Variants in PTPRD observed in about 807,000 individuals in gnomAD.
PTPRD encodes receptor-type tyrosine-protein phosphatase delta.
A neutral mutation model predicts 214.5 loss-of-function variants in PTPRD; 34 were observed. That is an observed-to-expected ratio of 0.16 (90% CI 0.12 to 0.21). PTPRD has a LOEUF of 0.21. PTPRD is among the 10% of genes least tolerant of loss of function. The pLI is 1.00. For synonymous variants in PTPRD, 1,128 were observed against 845.7 expected, an observed-to-expected ratio of 1.33 and a Z score of -5.79; for missense variants, 2,545 against 2,398.7, an observed-to-expected ratio of 1.06 and a Z score of -1.27.
intron 4 of PTPRD, among the ~76,000 whole-genome samples, chr9:9,967,465 G>A (rs532971210): frequency 7.9e-5 from 12 of 152,228 alleles, no homozygotes; most frequent in African/African-American, 2.9e-4. Flanking sequence ...GGTTGAGAGA[G>A]GGAAGGAAGA....
chr9:8,504,531 G>C, intron 22 of PTPRD, 126 bp from the exon 23 acceptor site: 1 of 1,091,392 alleles, frequency 9.2e-7, no homozygotes, highest in Non-Finnish European at 1.3e-6. Flanking sequence ...CACCAAAAGA[G>C]TCAATAGTGA....
chr9:10,509,097 A>G (rs1314754116), intron 2 of PTPRD, among the ~76,000 whole-genome samples: 1 of 152,016 alleles, frequency 6.6e-6, no homozygotes, highest in Non-Finnish European at 1.5e-5. Flanking sequence ...ATTATAAAAT[A>G]TTTAGGGGGA....
At chr9:9,503,087 G>C (rs536212891) in intron 8 of PTPRD, among the ~76,000 whole-genome samples, 12 of 151,862 alleles carry the variant, frequency 7.9e-5, no homozygotes, top group Admixed American at 7.9e-4. Context: ...GATTAAAATA[G>C]ACAAGCAAAT....
rs1312731960 is a variant in PTPRD, at chr9:8,600,324, G to A, written c.352+32993C>T. On this transcript the variant is annotated intron_variant, in intron 14 of 45. Transcript: ENST00000381196. ...CTGAGGCCGTATGTGAACTCCAGGG[G>A]CAGTCTAGGCCACAAATACTGAAAT... Among the ~76,000 whole-genome samples the A allele has an allele frequency of 2.6e-5, 4 of 152,156 alleles. 1 individual carries two copies. The South Asian group carries it at 8.3e-4, about 32-fold the overall frequency.
intron 10 of PTPRD, among the ~76,000 whole-genome samples, chr9:9,120,639 G>A (rs1343884724): frequency 1.3e-5 from 2 of 152,186 alleles, no homozygotes; most frequent in Non-Finnish European, 2.9e-5. Context: ...ATCATCTGGA[G>A]AGGAGGGTAA....
chr9:9,937,126 G>T (rs1166391423), intron 5 of PTPRD, among the ~76,000 whole-genome samples: 1 of 152,046 alleles, frequency 6.6e-6, no homozygotes, highest in Non-Finnish European at 1.5e-5. Context: ...CCTAATGCTA[G>T]ATGATGAGTT....
intron 14 of PTPRD, among the ~76,000 whole-genome samples, chr9:8,566,100 ATGTGTGTG>A (rs139478736): frequency 0.17 from 23,236 of 137,852 alleles, 2,161 homozygotes; most frequent in South Asian, 0.29. Flanking sequence ...AATGCAAAAT[ATGTGTGTG>A]TGTGTGTGTG....
At chr9:9,537,346 C>T (rs1217396108) in intron 8 of PTPRD, among the ~76,000 whole-genome samples, 1 of 151,864 alleles carries the variant, frequency 6.6e-6, no homozygotes, top group South Asian at 2.1e-4. Flanking sequence ...TGTCGTTAGT[C>T]CAGTTGCTAT....
intron 39 of PTPRD, among the ~76,000 whole-genome samples, chr9:8,352,179 C>G (rs1588410423): frequency 6.6e-6 from 1 of 151,846 alleles, no homozygotes; most frequent in African/African-American, 2.4e-5. Flanking sequence ...TGAACACACT[C>G]CCTATTATTC....
intron 7 of PTPRD, among the ~76,000 whole-genome samples, chr9:9,732,653 C>A (rs2098218802): frequency 6.6e-6 from 1 of 152,258 alleles, no homozygotes. Context: ...TTTGTGCTAC[C>A]TAAAATACCC....
chr9:8,316,603 C>G lies in PTPRD; in HGVS notation c.*1271G>C, dbSNP rs1821958689. 3.5e-5 allele frequency: 8 copies of G among 230,870 alleles called. No homozygotes were observed. The East Asian group carries it at 4.9e-4, about 14-fold the overall frequency. 14.3% of individuals were successfully genotyped at this position (230,870 alleles called of 1,614,324 possible). A position where few individuals can be genotyped will look rare whatever the true frequency, so the allele number is the denominator to read the frequency against. The stretch of plus-strand genomic sequence containing the variant: ...TATGCACTGACCTTTCCCACATGCA[C>G]ACCTCTTAGCTATTTAATAATAATT... On this transcript the variant is annotated 3_prime_UTR_variant, in exon 46 of 46. Coordinates refer to ENST00000381196, the MANE Select transcript of PTPRD (RefSeq NM_002839.4).
chr9:9,976,004 T>C (rs763584291), intron 4 of PTPRD, among the ~76,000 whole-genome samples: 1 of 152,136 alleles, frequency 6.6e-6, no homozygotes, highest in Non-Finnish European at 1.5e-5. Context: ...CAGCTTTGGA[T>C]AGCTGGAGTA....
chr9:10,592,642 C>A (rs2075737418), intron 2 of PTPRD, among the ~76,000 whole-genome samples: 2 of 151,848 alleles, frequency 1.3e-5, no homozygotes, highest in South Asian at 2.1e-4. Flanking sequence ...GTAAGATGCA[C>A]CAATCAGCAC....
At chr9:9,024,659 T>A (rs577869654) in intron 10 of PTPRD, among the ~76,000 whole-genome samples, 1 of 151,878 alleles carries the variant, frequency 6.6e-6, no homozygotes, top group Non-Finnish European at 1.5e-5. Flanking sequence ...AATATGTGTT[T>A]CTTTGGTTAC....
chr9:8,877,318 G>A (rs1197687843), intron 11 of PTPRD, among the ~76,000 whole-genome samples: 1 of 152,108 alleles, frequency 6.6e-6, no homozygotes, highest in Non-Finnish European at 1.5e-5. Context: ...ATAACCCAGG[G>A]TAATGTCTAT....
chr9:9,428,450 A>T (rs2081860341), intron 8 of PTPRD, among the ~76,000 whole-genome samples: 1 of 152,182 alleles, frequency 6.6e-6, no homozygotes, highest in Admixed American at 6.5e-5. Flanking sequence ...ACACAATAAT[A>T]ATCGGAGACT....
At chr9:10,261,160 A>G (rs1342303981) in intron 3 of PTPRD, among the ~76,000 whole-genome samples, 1 of 150,658 alleles carries the variant, frequency 6.6e-6, no homozygotes, top group African/African-American at 2.4e-5. Context: ...ACTAACTTTT[A>G]AAGACTGGAT....
At chr9:8,739,940 A>T (rs1157637597) in intron 11 of PTPRD, among the ~76,000 whole-genome samples, 1 of 152,172 alleles carries the variant, frequency 6.6e-6, no homozygotes, top group African/African-American at 2.4e-5. Context: ...ACCCTCCACC[A>T]TGATTGTGAG....
At chr9:9,613,961 A>C (rs1593063574) in intron 7 of PTPRD, among the ~76,000 whole-genome samples, 1 of 152,300 alleles carries the variant, frequency 6.6e-6, no homozygotes, top group East Asian at 1.9e-4. Context: ...TTTTGAAATG[A>C]TGCTCTGTTA....
Sources: gnomAD v4.1 joint callset for allele counts (sites outside exome capture counted in the v4.1 genomes callset) on GRCh38, gnomAD v4.1.1 for gene constraint, MANE v1.5 for transcripts, NCBI Gene and HGNC (gene_info 2026-07-23, HGNC 2026-07-21) for gene names.